Variants in KIF5B observed in about 807,000 individuals in gnomAD.
KIF5B encodes the protein kinesin-1 heavy chain.
Under a neutral mutation model 132.8 loss-of-function variants are expected in KIF5B, and 49 were observed. That is an observed-to-expected ratio of 0.37 (90% CI 0.29 to 0.47). KIF5B has a LOEUF of 0.47. KIF5B is among the 20% of genes least tolerant of loss of function. The pLI is 1.00. For missense variants in KIF5B, 780 were observed against 1,144.0 expected, an observed-to-expected ratio of 0.68 and a Z score of 4.59; for synonymous variants, 355 against 369.4, an observed-to-expected ratio of 0.96 and a Z score of 0.45.
chr10:32,016,645 G>A (rs911759375), intron 24 of KIF5B, among the ~76,000 whole-genome samples: 1 of 151,948 alleles, frequency 6.6e-6, no homozygotes, highest in African/African-American at 2.4e-5. Context: ...AGGTTCCAGC[G>A]ATTCTCCTGC....
Position 32,018,171 on chromosome 10 carries a change from TA to T in KIF5B, c.2440-16del, listed in dbSNP as rs1320439531. 7 of 1,555,556 alleles carry T rather than the reference TA, an allele frequency of 4.5e-6. No individual in the cohort carries two copies. In the Admixed American group the frequency reaches 7.9e-5, roughly 18 times the overall value. On this transcript the variant is annotated splice_polypyrimidine_tract_variant and intron_variant, in intron 22 of 25. Transcript: ENST00000302418. Reference sequence around the variant, plus strand: ...ATCTCAGCACTCTGAGAAAAGAAGGTAAGTATTACAAAAAAATTAAAAAAAA... The same window carrying T: ...ATCTCAGCACTCTGAGAAAAGAAGGTAGTATTACAAAAAAATTAAAAAAAA...
At chr10:32,023,614 CTA>C (rs1554800771) in intron 15 of KIF5B, among the ~76,000 whole-genome samples, 1 of 152,224 alleles carries the variant, frequency 6.6e-6, no homozygotes, top group Non-Finnish European at 1.5e-5. Flanking sequence ...GGACTTGACA[CTA>C]TGCAACTTAC....
At chr10:32,024,111 G>A (rs1841302613) in intron 15 of KIF5B, among the ~76,000 whole-genome samples, 1 of 131,596 alleles carries the variant, frequency 7.6e-6, no homozygotes, top group Non-Finnish European at 1.6e-5. Flanking sequence ...AACACTATCT[G>A]ATAAAAGACT....
At chr10:32,048,153 T>C (rs1841638914) in intron 2 of KIF5B, among the ~76,000 whole-genome samples, 1 of 152,204 alleles carries the variant, frequency 6.6e-6, no homozygotes, top group East Asian at 1.9e-4. Flanking sequence ...CTCATACTGT[T>C]CTCTTTCTAG....
chr10:32,017,350 C>A lies in KIF5B; in HGVS notation c.2554G>T (p.Asp852Tyr), dbSNP rs1407012512. 6.2e-7 allele frequency: 1 copy of A among 1,613,006 alleles called. No individual in the cohort carries two copies. Among genetic ancestry groups the A allele is most frequent in the Non-Finnish European group, 8.5e-7 (1 of 1,179,258 alleles). ...LTKVHKQLVR[D>Y]NADLRCELPK... The stretch of plus-strand genomic sequence containing the variant: ...AGTTCACAGCGGAGATCTGCATTAT[C>A]ACGTACCAACTAAACGTACACAAAG... Residue 852 changes from aspartate (D) to tyrosine (Y), a missense_variant, in exon 24 of 26, where the codon GAT becomes TAT. By Grantham distance (160) the Asp-to-Tyr change is radical. Around this residue, in one of 9 missense-constraint regions of KIF5B, gnomAD observed 32 missense variants for 71.1 expected, o/e 0.45. Transcript: ENST00000302418.
chr10:32,034,583 A>C, intron 11 of KIF5B, 107 bp downstream of exon 11: 2 of 769,506 alleles, frequency 2.6e-6, no homozygotes, highest in Non-Finnish European at 3.8e-6. Flanking sequence ...GATGTCTATT[A>C]AATTTCTTGA....
At chr10:32,014,979 G>GC (rs1192345852) in intron 25 of KIF5B, among the ~76,000 whole-genome samples, 1 of 152,042 alleles carries the variant, frequency 6.6e-6, no homozygotes, top group Non-Finnish European at 1.5e-5. Context: ...ACAAAAATTA[G>GC]CCAGGCATGG....
chr10:32,022,617 CT>C (rs1564464038), intron 16 of KIF5B, among the ~76,000 whole-genome samples: 1 of 152,156 alleles, frequency 6.6e-6, no homozygotes, highest in Non-Finnish European at 1.5e-5. Context: ...ATTCTGAAGT[CT>C]TTAACAAGTT....
chr10:32,014,268 G>A (rs939066528), intron 25 of KIF5B, among the ~76,000 whole-genome samples: 24 of 152,146 alleles, frequency 1.6e-4, no homozygotes, highest in Admixed American at 1.5e-3. Context: ...GTGCACGCCT[G>A]TAATCCCAGC....
chr10:32,043,285 G>A (rs547872967), intron 2 of KIF5B, among the ~76,000 whole-genome samples: 13 of 152,198 alleles, frequency 8.5e-5, no homozygotes, highest in Non-Finnish European at 1.9e-4. Context: ...TTACAGGCGT[G>A]AGCCACTGCG....
rs1448139526 is a variant in KIF5B, at chr10:32,009,486, A to G, written c.*2051T>C. The G allele has an allele frequency of 6.6e-6, 1 of 152,200 alleles. No homozygotes were observed. Among genetic ancestry groups the G allele is most frequent in the African/African-American group, 2.4e-5 (1 of 41,458 alleles). The allele number at this position is 152,200 out of a possible 1,614,324, so 9.4% of individuals were successfully genotyped here. ...AAAACAAATTTATGAAATTCTTGGTACACTTTATGAAAGTCTGAAATTATA... is the reference window on the plus strand; with the variant it reads ...AAAACAAATTTATGAAATTCTTGGTGCACTTTATGAAAGTCTGAAATTATA... On this transcript the variant is annotated 3_prime_UTR_variant, in exon 26 of 26. Transcript: ENST00000302418.
At chr10:32,032,897 T>C (rs1841419307) in intron 12 of KIF5B, 123 bp from the exon 13 acceptor site, 2 of 720,894 alleles carry the variant, frequency 2.8e-6, no homozygotes, top group Non-Finnish European at 4.8e-6. Context: ...AAATTCAACA[T>C]TGCTTATTTT....
At chr10:32,021,609 C>CA (rs1841263578) in intron 17 of KIF5B, among the ~76,000 whole-genome samples, 1 of 141,844 alleles carries the variant, frequency 7.1e-6, no homozygotes. Context: ...ACACACACAC[C>CA]CCGCTTCGTA....
chr10:32,015,513 G>A lies in KIF5B; in HGVS notation c.*16C>T. ...AGCCAGATATAAATAACAAACCTGT[G>A]GGTATGTATAAACGATTACACTTGT... On this transcript the variant is annotated 3_prime_UTR_variant, in exon 25 of 26. Transcript: ENST00000302418. The A allele has an allele frequency of 6.4e-7, 1 of 1,561,458 alleles. No homozygotes were observed. The highest frequency in any genetic ancestry group is 8.7e-7 in the Non-Finnish European group (1 of 1,155,052).
intron 2 of KIF5B, among the ~76,000 whole-genome samples, chr10:32,044,195 TCATCGC>T (rs1194355126): frequency 6.6e-6 from 1 of 152,190 alleles, no homozygotes; most frequent in East Asian, 1.9e-4. Flanking sequence ...TAAAAGGAAA[TCATCGC>T]CAGGTGATAC....
intron 15 of KIF5B, among the ~76,000 whole-genome samples, chr10:32,024,016 TAA>T (rs1564464491): frequency 2.1e-5 from 2 of 93,784 alleles, no homozygotes; most frequent in African/African-American, 8.2e-5. Context: ...TCATTAAAAT[TAA>T]AAATTTTTAG....
intron 15 of KIF5B, among the ~76,000 whole-genome samples, chr10:32,025,542 GT>G (rs1185004458): frequency 6.6e-6 from 1 of 152,094 alleles, no homozygotes; most frequent in Non-Finnish European, 1.5e-5. Context: ...TGCCTGGCTA[GT>G]TTTTTTATTT....
intron 10 of KIF5B, 58 bp downstream of exon 10, chr10:32,035,464 C>T (rs1274196247): frequency 8.8e-6 from 13 of 1,472,002 alleles, no homozygotes; most frequent in Admixed American, 1.9e-5. Flanking sequence ...CATTTTCCTA[C>T]ATTTTATAAA....
rs1841067815 is a variant in KIF5B, at chr10:32,010,833, T to C, written c.*704A>G. ...TTAAAATATTTCTATTCAAAATAAC[T>C]CGGCAACAGGCATTTCATGAGATAA... is the stretch of plus-strand genomic sequence containing the variant. On this transcript the variant is annotated 3_prime_UTR_variant, in exon 26 of 26. Transcript: ENST00000302418. 1 of 152,142 alleles carries C rather than the reference T, an allele frequency of 6.6e-6. No homozygotes were observed. The allele number at this position is 152,142 out of a possible 1,614,324, so 9.4% of individuals were successfully genotyped here. A position where few individuals can be genotyped will look rare whatever the true frequency, so the allele number is the denominator to read the frequency against.
Sources: gnomAD v4.1 joint callset for allele counts (sites outside exome capture counted in the v4.1 genomes callset) on GRCh38, gnomAD v4.1.1 for gene constraint, gnomAD v4.1.1 regional missense constraint, MANE v1.5 for transcripts, NCBI Gene and HGNC (gene_info 2026-07-23, HGNC 2026-07-21) for gene names.